The following MACC1 variants were observed in gnomAD, a reference collection of about 807,000 sequenced individuals.
MACC1 encodes the protein metastasis-associated in colon cancer protein 1.
MACC1 carries 79 observed loss-of-function variants against 70.7 expected under a neutral mutation model. The ratio of observed to expected loss-of-function variants is 1.12; its 90% CI spans 0.93 to 1.35. The LOEUF (loss-of-function observed/expected upper bound fraction) is 1.35, where lower values mean the gene tolerates loss of function less well. Among genes scored for constraint, MACC1 ranks in the 40% most tolerant of loss-of-function variants. The pLI is 0.00. For missense variants in MACC1, 1,106 were observed against 978.1 expected, an observed-to-expected ratio of 1.13 and a Z score of -1.74; for synonymous variants, 361 against 347.2, an observed-to-expected ratio of 1.04 and a Z score of -0.44.
At chr7:20,149,544 G>C (rs1025456415) in intron 6 of MACC1, among the ~76,000 whole-genome samples, 2 of 152,122 alleles carry the variant, frequency 1.3e-5, no homozygotes, top group Admixed American at 6.5e-5. Flanking sequence ...CAAGGCTTGA[G>C]GGCTGATAGA....
chr7:20,211,577 T>G, intron 1 of MACC1, among the ~76,000 whole-genome samples: 1 of 152,216 alleles, frequency 6.6e-6, no homozygotes, highest in African/African-American at 2.4e-5. Context: ...CTTCTGGCTT[T>G]CAGTGACATC....
chr7:20,172,899 C>CG (rs1358608821), intron 1 of MACC1, among the ~76,000 whole-genome samples: 1 of 152,136 alleles, frequency 6.6e-6, no homozygotes, highest in East Asian at 1.9e-4. Flanking sequence ...GCTGGGGAGA[C>CG]GGGAAAAAGC....
At chr7:20,215,682 T>C (rs534332610) in intron 1 of MACC1, among the ~76,000 whole-genome samples, 3 of 152,214 alleles carry the variant, frequency 2.0e-5, no homozygotes, top group Non-Finnish European at 4.4e-5. Flanking sequence ...CCTAGGCATA[T>C]GTGTGGTCTT....
rs1382473577 is a variant in MACC1, at chr7:20,135,170, C to T, written c.*5776G>A. On this transcript the variant is annotated 3_prime_UTR_variant, in exon 7 of 7. Transcript: ENST00000400331. ...TTTTACAGAAACAAATGCAATGTTA[C>T]ATATATTTTGTAAAATTATCTTAAA... 6.6e-6 allele frequency: 1 copy of T among 152,184 alleles called. No individual in the cohort carries two copies. The highest frequency in any genetic ancestry group is 1.5e-5 in the Non-Finnish European group (1 of 68,046). 9.4% of individuals were successfully genotyped at this position (152,184 alleles called of 1,614,324 possible).
At chr7:20,189,493 C>T (rs931662400) in intron 1 of MACC1, among the ~76,000 whole-genome samples, 2 of 152,138 alleles carry the variant, frequency 1.3e-5, no homozygotes, top group Non-Finnish European at 2.9e-5. Flanking sequence ...GAATAAAAGT[C>T]ATTGCGGCAA....
At position 20,159,354 on chromosome 7, in the gene MACC1, T is replaced by C. The variant is rs944607367; in HGVS notation, c.1007A>G (p.Lys336Arg). 5 of 1,614,102 alleles carry C rather than the reference T, an allele frequency of 3.1e-6. No individual in the cohort carries two copies. The Admixed American group carries it at 6.7e-5, about 22-fold the overall frequency. ...CATTACCTGACTCAAGTCGATTAGC[T>C]TGACTTGGATGGTGTCTTTATAAAT... is the stretch of plus-strand genomic sequence containing the variant. Reference protein sequence around the residue: ...CYIYKDTIQVKLIDLSQVMYL... With the variant: ...CYIYKDTIQVRLIDLSQVMYL... The change falls in exon 5 of 7, where the codon AAG (lysine) becomes AGG (arginine). Residue 336 changes from lysine to arginine, a missense_variant. Coordinates refer to ENST00000400331, the MANE Select transcript of MACC1 (RefSeq NM_182762.4).
chr7:20,135,003 T>C lies in MACC1; in HGVS notation c.*5943A>G, dbSNP rs1781701438. The C allele has an allele frequency of 6.6e-6, 1 of 152,252 alleles. No individual in the cohort carries two copies. Among genetic ancestry groups the C allele is most frequent in the East Asian group, 1.9e-4 (1 of 5,204 alleles). 9.4% of individuals were successfully genotyped at this position (152,252 alleles called of 1,614,324 possible). On this transcript the variant is annotated 3_prime_UTR_variant, in exon 7 of 7. Transcript: ENST00000400331. ...ATCCGATCACCTTATTAACACTTTCTAATTCTACAGTGAAAGCAGGGCATA... is the reference window on the plus strand; with the variant it reads ...ATCCGATCACCTTATTAACACTTTCCAATTCTACAGTGAAAGCAGGGCATA...
At chr7:20,176,926 G>A (rs1424988944) in intron 1 of MACC1, among the ~76,000 whole-genome samples, 1 of 152,164 alleles carries the variant, frequency 6.6e-6, no homozygotes, top group Non-Finnish European at 1.5e-5. Context: ...AAGGGAAGAG[G>A]AGTGGATGTA....
At chr7:20,186,648 C>G (rs3095217) in intron 1 of MACC1, among the ~76,000 whole-genome samples, 1 of 151,308 alleles carries the variant, frequency 6.6e-6, no homozygotes, top group Non-Finnish European at 1.5e-5. Flanking sequence ...GTTTGAGGAA[C>G]CTGAATTAGT....
At chr7:20,147,930 T>C (rs1781918048) in intron 6 of MACC1, among the ~76,000 whole-genome samples, 1 of 152,188 alleles carries the variant, frequency 6.6e-6, no homozygotes, top group Non-Finnish European at 1.5e-5. Flanking sequence ...CTGCCACCCA[T>C]GCCCCTGCCA....
chr7:20,208,239 T>G (rs1007145752), intron 1 of MACC1, among the ~76,000 whole-genome samples: 1 of 152,228 alleles, frequency 6.6e-6, no homozygotes, highest in Non-Finnish European at 1.5e-5. Context: ...AGTGAGGTGC[T>G]GCTATATGGA....
chr7:20,158,595 ATAGCTT>A lies in MACC1; in HGVS notation c.1760_1765del (p.Lys587_Ala588del), dbSNP rs1562585243. On this transcript the variant is annotated inframe_deletion, in exon 5 of 7. Transcript: ENST00000400331. ...CCATTCTTTCACTTTGGACTGACCAATAGCTTTTACCTTACCTTCCCCGAGGAGAGC... is the reference window on the plus strand; with the variant it reads ...CCATTCTTTCACTTTGGACTGACCAATTACCTTACCTTCCCCGAGGAGAGC... 1 of 1,614,032 alleles carries A rather than the reference ATAGCTT, an allele frequency of 6.2e-7. No homozygotes were observed. The highest frequency in any genetic ancestry group is 1.7e-5 in the Admixed American group (1 of 60,002).
At chr7:20,144,890 A>G (rs973255548) in intron 6 of MACC1, among the ~76,000 whole-genome samples, 1 of 152,212 alleles carries the variant, frequency 6.6e-6, no homozygotes, top group Admixed American at 6.5e-5. Context: ...AAATAGACGC[A>G]ATAAAAGGAT....
chr7:20,143,087 T>G (rs1583377616), intron 6 of MACC1, among the ~76,000 whole-genome samples: 1 of 152,334 alleles, frequency 6.6e-6, no homozygotes, highest in East Asian at 1.9e-4. Context: ...CACTACAGAT[T>G]CAAATACTTT....
At chr7:20,146,831 CA>C (rs1273162589) in intron 6 of MACC1, among the ~76,000 whole-genome samples, 2 of 152,192 alleles carry the variant, frequency 1.3e-5, no homozygotes, top group African/African-American at 4.8e-5. Flanking sequence ...TCATTTCTAT[CA>C]CAAATATTTA....
chr7:20,155,829 G>C (rs1360597535), intron 5 of MACC1, among the ~76,000 whole-genome samples: 1 of 152,180 alleles, frequency 6.6e-6, no homozygotes, highest in Non-Finnish European at 1.5e-5. Flanking sequence ...GGTGCTTTTA[G>C]TAAACTGTGG....
At chr7:20,146,916 T>C (rs896750347) in intron 6 of MACC1, among the ~76,000 whole-genome samples, 4 of 152,214 alleles carry the variant, frequency 2.6e-5, no homozygotes, top group African/African-American at 9.6e-5. Context: ...AGTTTCATTC[T>C]TGAATAGGAA....
chr7:20,215,550 G>T (rs1257431547), intron 1 of MACC1, among the ~76,000 whole-genome samples: 1 of 152,098 alleles, frequency 6.6e-6, no homozygotes, highest in African/African-American at 2.4e-5. Flanking sequence ...CTGACATAGG[G>T]TTTACATTTA....
At chr7:20,143,644 C>T (rs953575424) in intron 6 of MACC1, among the ~76,000 whole-genome samples, 6 of 152,198 alleles carry the variant, frequency 3.9e-5, no homozygotes, top group East Asian at 1.9e-4. Flanking sequence ...CCGCCTCGGA[C>T]TCGCAAAGTG....
Sources: gnomAD v4.1 joint callset for allele counts (sites outside exome capture counted in the v4.1 genomes callset) on GRCh38, gnomAD v4.1.1 for gene constraint, MANE v1.5 for transcripts, NCBI Gene and HGNC (gene_info 2026-07-23, HGNC 2026-07-21) for gene names.